Variants in KLK4 observed in about 807,000 individuals in gnomAD.
KLK4 encodes the protein kallikrein related peptidase 4.
KLK4 carries 24 observed loss-of-function variants against 24.3 expected under a neutral mutation model. The observed-to-expected ratio is 0.99, with a 90% CI of 0.72 to 1.39. The LOEUF (loss-of-function observed/expected upper bound fraction) is 1.39, where lower values mean the gene tolerates loss of function less well. Among genes scored for constraint, KLK4 ranks in the 40% most tolerant of loss-of-function variants. The probability of loss-of-function intolerance (pLI) is 0.00; values close to 1 mark genes in which losing one functional copy is unlikely to be tolerated. For missense variants in KLK4, 344 were observed against 327.4 expected (o/e 1.05, Z -0.39); for synonymous variants, 142 against 138.8 (o/e 1.02, Z -0.16).
At chr19:50,907,216 A>G in intron 5 of KLK4, 130 bp from the exon 6 acceptor site, 5 of 916,796 alleles carry the variant, frequency 5.5e-6, no homozygotes, top group Non-Finnish European at 8.7e-6. Flanking sequence ...TAGCCCAGCA[A>G]CATATCTGTT....
At chr19:50,908,004 G>T in intron 5 of KLK4, 1 of 394,700 alleles carries the variant, frequency 2.5e-6, no homozygotes, top group Non-Finnish European at 4.8e-6. Flanking sequence ...TATTGGTAAG[G>T]CTCCCCGTCA....
At position 50,908,966 on chromosome 19, in the gene KLK4, C is replaced by T. The variant is rs2090461537; in HGVS notation, c.225-137G>A. The T allele has an allele frequency of 5.9e-6, 9 of 1,518,748 alleles. No homozygotes were observed. In the South Asian group the frequency reaches 8.6e-5, roughly 15 times the overall value. 94.1% of individuals were successfully genotyped at this position (1,518,748 alleles called of 1,614,324 possible). On this transcript the variant is annotated intron_variant, in intron 3 of 5. Transcript: ENST00000324041. ...CTAAACACCCTAAGAGCTACTTAACCATGGTCTCAAATCCTCATTCACAAA... is the reference window on the plus strand; with the variant it reads ...CTAAACACCCTAAGAGCTACTTAACTATGGTCTCAAATCCTCATTCACAAA...
rs2090431927 is a variant in KLK4, at chr19:50,906,617, GGGGTCT to G, written c.*311_*316del. 35 of 287,086 alleles carry G rather than the reference GGGGTCT, an allele frequency of 1.2e-4. 3 individuals are homozygous for G. Among genetic ancestry groups the G allele is most frequent in the Admixed American group, 2.5e-4 (5 of 20,300 alleles). The allele number at this position is 287,086 out of a possible 1,614,324, so 17.8% of individuals were successfully genotyped here. On this transcript the variant is annotated 3_prime_UTR_variant, in exon 6 of 6. Transcript: ENST00000324041. The stretch of plus-strand genomic sequence containing the variant: ...CTGGGTCTGAGGGAGGAGGGGCTGG[GGGGTCT>G]GGACTCCTGGGTCTGAGGGAGGAGG...
exon 6 of KLK4, chr19:50,906,873 C>T: frequency 6.2e-7 from 1 of 1,603,462 alleles, no homozygotes; most frequent in Non-Finnish European, 8.5e-7. Context: ...AACAGATATT[C>T]CTGAATTCCT....
intron 2 of KLK4, 120 bp from the exon 3 acceptor site, chr19:50,909,534 G>T: frequency 1.8e-6 from 2 of 1,110,410 alleles, no homozygotes; most frequent in Non-Finnish European, 2.7e-6. Context: ...CCTCGGGGCG[G>T]AGTCAGGGCT....
chr19:50,908,616 G>A (rs1290773662), exon 4 of KLK4: 1 of 1,614,246 alleles, frequency 6.2e-7, no homozygotes, highest in Admixed American at 1.7e-5. Flanking sequence ...CGAGGCAAGA[G>A]TTCCCCGCGG....
exon 4 of KLK4, chr19:50,908,822 T>C (rs1243253971): frequency 1.9e-6 from 3 of 1,612,122 alleles, no homozygotes; most frequent in Non-Finnish European, 1.7e-6. Context: ...AGCCCGATGG[T>C]GTAGGAGCTG....
In KLK4 at chr19:50,908,347, C is replaced by A. The variant is rs1044895250; in HGVS notation, c.612+12G>T. 1.2e-6 allele frequency: 2 copies of A among 1,612,476 alleles called. No individual in the cohort carries two copies. The highest frequency in any genetic ancestry group is 8.5e-7 in the Non-Finnish European group (1 of 1,180,024). Reference sequence around the variant, plus strand: ...CCCTGAGTCGCCTGCCCTCCCCTTTCCCCTCTCTCACGTTGCAGGAGTCCT... The same window carrying A: ...CCCTGAGTCGCCTGCCCTCCCCTTTACCCTCTCTCACGTTGCAGGAGTCCT... On this transcript the variant is annotated intron_variant, in intron 5 of 5. Coordinates refer to ENST00000324041, the Ensembl canonical transcript of KLK4.
intron 2 of KLK4, among the ~76,000 whole-genome samples, chr19:50,909,884 G>T (rs2090472067): frequency 2.0e-5 from 3 of 151,896 alleles, no homozygotes; most frequent in Non-Finnish European, 4.4e-5. Context: ...TAGGGTTGGG[G>T]TTACAGCGCA....
At chr19:50,908,482 G>T in exon 5 of KLK4, 1 of 1,614,158 alleles carries the variant, frequency 6.2e-7, no homozygotes, top group Non-Finnish European at 8.5e-7. Flanking sequence ...ACTGCAGCAC[G>T]GTAGGCATTC....
Position 50,910,795 on chromosome 19 carries a change from C to T in KLK4, c.-11-46G>A. 3 of 1,448,944 alleles carry T rather than the reference C, an allele frequency of 2.1e-6. No individual in the cohort carries two copies. Among genetic ancestry groups the T allele is most frequent in the Non-Finnish European group, 1.9e-6 (2 of 1,053,638 alleles). 89.8% of individuals were successfully genotyped at this position (1,448,944 alleles called of 1,614,324 possible). On this transcript the variant is annotated intron_variant, in intron 1 of 5. Transcript: ENST00000324041. This position sits in a 1 kb window ranked among gnomAD's most constrained non-coding sequence, Gnocchi z 4.4. ...TTAGCCGTGTCTGGGGATCTTCAGC[C>T]CAAGTCTCTCCATCCCTCTCTTTGT...
At chr19:50,909,061 T>C (rs1600047465) in intron 3 of KLK4, 191 bp downstream of exon 3, 1 of 1,477,774 alleles carries the variant, frequency 6.8e-7, no homozygotes, top group Non-Finnish European at 9.0e-7. Context: ...AAGTCAGGAC[T>C]CTCTGAGTCC....
Position 50,908,357 on chromosome 19 carries a change from A to G in KLK4, c.612+2T>C. ...CCTGCCCTCCCCTTTCCCCTCTCTC[A>G]CGTTGCAGGAGTCCTTCTGGTCTTG... On this transcript the variant is annotated splice_donor_variant, in intron 5 of 5. Transcript: ENST00000324041. LOFTEE classifies it high-confidence loss of function. 1 of 1,611,202 alleles carries G rather than the reference A, an allele frequency of 6.2e-7. No individual in the cohort carries two copies. Among genetic ancestry groups the G allele is most frequent in the South Asian group, 1.1e-5 (1 of 90,962 alleles).
chr19:50,909,001 A>G, intron 3 of KLK4, 172 bp from the exon 4 acceptor site: 1 of 1,495,594 alleles, frequency 6.7e-7, no homozygotes, highest in Non-Finnish European at 8.9e-7. Flanking sequence ...AAATTCAGGG[A>G]CAAGAACTTG....
chr19:50,909,337 C>T (rs771315742), exon 3 of KLK4: 69 of 1,614,112 alleles, frequency 4.3e-5, no homozygotes, highest in Non-Finnish European at 5.8e-5. Flanking sequence ...ATGACCAGTG[C>T]CGCCTGCCAG....
At chr19:50,909,269 G>A (rs1222567937) in exon 3 of KLK4, 3 of 1,614,044 alleles carry the variant, frequency 1.9e-6, no homozygotes, top group Non-Finnish European at 8.5e-7. Flanking sequence ...AACAGTGTGC[G>A]GCTGACAGCA....
exon 3 of KLK4, chr19:50,909,382 T>C (rs1419137125): frequency 6.2e-7 from 1 of 1,614,138 alleles, no homozygotes; most frequent in East Asian, 2.2e-5. Flanking sequence ...TCGCCGTTTA[T>C]GATTTGGCTG....
At chr19:50,909,211 C>T (rs1490392675) in intron 3 of KLK4, 41 bp downstream of exon 3, 1 of 1,613,892 alleles carries the variant, frequency 6.2e-7, no homozygotes, top group Admixed American at 1.7e-5. Flanking sequence ...GCCCCGCCCC[C>T]GGACCCAGGC....
chr19:50,908,291 G>A, intron 5 of KLK4, 68 bp downstream of exon 5: 1 of 1,586,334 alleles, frequency 6.3e-7, no homozygotes, highest in Non-Finnish European at 8.6e-7. Flanking sequence ...ATGCGGCCCT[G>A]TGTGTCTCTG....
Sources: allele counts gnomAD v4.1 joint callset (sites outside exome capture counted in the v4.1 genomes callset), GRCh38; gene constraint gnomAD v4.1.1; non-coding constraint Gnocchi (gnomAD v3.1); transcripts MANE v1.5; gene names NCBI Gene and HGNC (gene_info 2026-07-23, HGNC 2026-07-21).